Variants in ASPM observed in about 807,000 individuals in gnomAD.
ASPM encodes the protein abnormal spindle-like microcephaly-associated protein.
A neutral mutation model predicts 366.4 loss-of-function variants in ASPM; 256 were observed. That is an observed-to-expected ratio of 0.70 (90% CI 0.63 to 0.77). ASPM has a LOEUF of 0.77. ASPM is among the 30% of genes least tolerant of loss of function. ASPM has a pLI of 0.00. For missense variants in ASPM, 4,146 were observed against 4,090.4 expected (o/e 1.01, Z -0.37); for synonymous variants, 1,414 against 1,342.9 (o/e 1.05, Z -1.16).
Position 197,124,862 on chromosome 1 carries a change from TATAATACCTG to T in ASPM, c.3166_3168+7del. The T allele has an allele frequency of 6.3e-7, 1 of 1,582,044 alleles. No individual in the cohort carries two copies. Among genetic ancestry groups the T allele is most frequent in the Non-Finnish European group, 8.7e-7 (1 of 1,152,122 alleles). On this transcript the variant is annotated splice_donor_variant and splice_donor_5th_base_variant and coding_sequence_variant and intron_variant, in exon 12 of 28. Transcript: ENST00000367409. LOFTEE classifies it high-confidence loss of function. ...TAAAAAATACAAGATGTACCAAATG[TATAATACCTG>T]AAAAGCAAACGCTATTTTCCAAAGC...
At position 197,094,089 on chromosome 1, in the gene ASPM, T is replaced by C; in HGVS notation, c.9079A>G (p.Ile3027Val). The change falls in exon 20 of 28, where the codon ATA becomes GTA. Residue 3027 changes from isoleucine (I) to valine (V), a missense_variant. By Grantham distance (29) the Ile-to-Val change is conservative. Around this residue, in one of 3 missense-constraint regions of ASPM, gnomAD observed 3,624 missense variants for 3,591.7 expected, o/e 1.01. Transcript: ENST00000367409. ...AKIAHEHFLM[I>V]KRHRAACLIQ... ...AATTAATTTTTAATACCTACTTTTA[T>C]CATTAAGAAGTGTTCATGAGCTATC... 1 of 1,562,568 alleles carries C rather than the reference T, an allele frequency of 6.4e-7. No individual in the cohort carries two copies. Among genetic ancestry groups the C allele is most frequent in the Non-Finnish European group, 8.8e-7 (1 of 1,141,814 alleles).
rs937207468 is a variant in ASPM at position 197,102,870 on chromosome 1, A to C, written c.6381T>G (p.Phe2127Leu). Residue 2127 changes from phenylalanine to leucine, a missense_variant, in exon 18 of 28, where the codon TTT becomes TTG. This residue lies in a region of ASPM where 3,624 missense variants were observed against 3,591.7 expected (regional missense o/e 1.01). Transcript: ENST00000367409. ...AACTTATTCTTGACTGATGCATTTT[A>C]AACATGGCTTTAATAAAAGTGGCTG... is the stretch of plus-strand genomic sequence containing the variant. Reference protein sequence around the residue: ...HRAATFIKAMFKMHQSRISYH... With the variant: ...HRAATFIKAMLKMHQSRISYH... The C allele has an allele frequency of 6.2e-7, 1 of 1,612,540 alleles. No individual in the cohort carries two copies. Among genetic ancestry groups the C allele is most frequent in the Non-Finnish European group, 8.5e-7 (1 of 1,179,286 alleles).
Position 197,103,597 on chromosome 1 carries a change from T to C in ASPM, c.5654A>G (p.Tyr1885Cys), listed in dbSNP as rs745796471. 2.5e-6 allele frequency: 4 copies of C among 1,612,866 alleles called. No homozygotes were observed. In the East Asian group the frequency reaches 8.9e-5, roughly 36 times the overall value. Residue 1885 changes from tyrosine (Y) to cysteine (C), a missense_variant, in exon 18 of 28, where the codon TAT becomes TGT. Transcript: ENST00000367409. ...CTGTTTCCGAACCTTCCAGCCACGATAAGCAGACTGGAGGGAAATCACAGC... is the reference window on the plus strand; with the variant it reads ...CTGTTTCCGAACCTTCCAGCCACGACAAGCAGACTGGAGGGAAATCACAGC... ...KAAVISLQSA[Y>C]RGWKVRKQIR...
intron 18 of ASPM, 115 bp downstream of exon 18, chr1:197,100,316 C>A: frequency 1.4e-6 from 1 of 732,672 alleles, no homozygotes; most frequent in South Asian, 2.2e-5. Context: ...GATAAATGGT[C>A]ACCTCAACTA....
At chr1:197,112,848 C>T (rs531047174) in intron 17 of ASPM, among the ~76,000 whole-genome samples, 2 of 152,260 alleles carry the variant, frequency 1.3e-5, no homozygotes, top group Admixed American at 1.3e-4. Flanking sequence ...CATGTCAAGA[C>T]TTCCTGATGC....
chr1:197,121,464 C>T (rs1386863691), intron 16 of ASPM, among the ~76,000 whole-genome samples: 1 of 152,062 alleles, frequency 6.6e-6, no homozygotes, highest in Non-Finnish European at 1.5e-5. Flanking sequence ...ACAAACTAAG[C>T]TTACTAGTTA....
Position 197,100,647 on chromosome 1 carries a change from A to C in ASPM, c.8604T>G (p.His2868Gln). The C allele has an allele frequency of 6.2e-7, 1 of 1,612,232 alleles. No individual in the cohort carries two copies. Among genetic ancestry groups the C allele is most frequent in the Non-Finnish European group, 8.5e-7 (1 of 1,178,938 alleles). ...TTCTGGTTTGCCACGTCCTAAAATA[A>C]TGCTGTAAAGTGATAGCAGCTCTTT... ...QQKRAAITLQ[H>Q]YFRTWQTRKQ... The change falls in exon 18 of 28, where the codon CAT becomes CAG. Residue 2868 changes from histidine (H) to glutamine (Q), a missense_variant. Physicochemically the swap from His to Gln is conservative, Grantham distance 24. Coordinates refer to ENST00000367409, the MANE Select transcript of ASPM (RefSeq NM_018136.5).
intron 21 of ASPM, 126 bp downstream of exon 21, chr1:197,092,918 GCAGCTGAA>G: frequency 1.3e-6 from 1 of 799,916 alleles, no homozygotes; most frequent in Non-Finnish European, 2.0e-6. Context: ...TACCTTTCTA[GCAGCTGAA>G]TTAATTCAAG....
intron 17 of ASPM, among the ~76,000 whole-genome samples, chr1:197,114,302 A>C (rs564435910): frequency 9.2e-5 from 14 of 152,338 alleles, no homozygotes; most frequent in African/African-American, 3.1e-4. Context: ...TCTTTTTGCT[A>C]GTGGAGGGTC....
At chr1:197,125,245 A>C in intron 10 of ASPM, 54 bp from the exon 11 acceptor site, 1 of 1,585,150 alleles carries the variant, frequency 6.3e-7, no homozygotes, top group South Asian at 1.1e-5. Context: ...ATATGAAAAA[A>C]CCCTTCACTG....
intron 5 of ASPM, among the ~76,000 whole-genome samples, chr1:197,134,443 C>T (rs558310151): frequency 5.3e-5 from 8 of 151,822 alleles, no homozygotes; most frequent in Non-Finnish European, 7.4e-5. Context: ...ATCCTATACA[C>T]GCGCTTCTCT....
At chr1:197,113,257 T>C (rs989923426) in intron 17 of ASPM, among the ~76,000 whole-genome samples, 1 of 152,150 alleles carries the variant, frequency 6.6e-6, no homozygotes, top group Non-Finnish European at 1.5e-5. Context: ...GATTATCAGG[T>C]ACTATGCTCA....
Position 197,122,248 on chromosome 1 carries a change from G to C in ASPM, c.3652C>G (p.His1218Asp). 3 of 1,613,226 alleles carry C rather than the reference G, an allele frequency of 1.9e-6. No individual in the cohort carries two copies. The highest frequency in any genetic ancestry group is 2.5e-6 in the Non-Finnish European group (3 of 1,179,378). Residue 1218 changes from histidine to aspartate, a missense_variant, in exon 15 of 28, where the codon CAC (histidine) becomes GAC (aspartate). His to Asp is a moderately conservative substitution (Grantham distance 81). Around this residue, in one of 3 missense-constraint regions of ASPM, gnomAD observed 3,624 missense variants for 3,591.7 expected, o/e 1.01. Coordinates refer to ENST00000367409, the MANE Select transcript of ASPM (RefSeq NM_018136.5). ...TCTCTAACTGCAGACCTAACCAAGT[G>C]AAAATTTTTCTTTTCATTTTCTAGG... ...ELLENEKKNF[H>D]LVRSAVRDLG...
At position 197,143,765 on chromosome 1, in the gene ASPM, T is replaced by C. The variant is rs1284048360; in HGVS notation, c.487A>G (p.Thr163Ala). The C allele has an allele frequency of 3.1e-6, 5 of 1,612,286 alleles. No homozygotes were observed. Among genetic ancestry groups the C allele is most frequent in the African/African-American group, 1.3e-5 (1 of 74,832 alleles). ...TTTGAAACCCTTCTGTTGTGACTTG[T>C]AGAGGCTGAAATTTTCTTCTTTTTA... is the stretch of plus-strand genomic sequence containing the variant. ...TIKKKKISAS[T>A]SHNRRVSNIQ... is the part of the protein sequence containing the mutation. The change falls in exon 3 of 28, where the codon ACA becomes GCA. Residue 163 changes from threonine to alanine, a missense_variant. Coordinates refer to ENST00000367409, the MANE Select transcript of ASPM (RefSeq NM_018136.5).
At chr1:197,116,539 A>G (rs1365811853) in intron 17 of ASPM, among the ~76,000 whole-genome samples, 3 of 152,182 alleles carry the variant, frequency 2.0e-5, no homozygotes, top group Non-Finnish European at 4.4e-5. Flanking sequence ...GCTGCAAAGC[A>G]CAATAATGCA....
rs1218927105 is a variant in ASPM at position 197,143,699 on chromosome 1, C to G, written c.553G>C (p.Val185Leu). 1.2e-6 allele frequency: 2 copies of G among 1,613,868 alleles called. No individual in the cohort carries two copies. Among genetic ancestry groups the G allele is most frequent in the South Asian group, 2.2e-5 (2 of 91,074 alleles). Residue 185 changes from valine (V) to leucine (L), a missense_variant, in exon 3 of 28, where the codon GTT becomes CTT. By Grantham distance (32) the Val-to-Leu change is conservative. Coordinates refer to ENST00000367409, the MANE Select transcript of ASPM (RefSeq NM_018136.5). Reference sequence around the variant, plus strand: ...TGTAGTGGGCTCCTAACTCTGTCAACTTTTTGGGAAACACTAAATGTTTTA... The same window carrying G: ...TGTAGTGGGCTCCTAACTCTGTCAAGTTTTTGGGAAACACTAAATGTTTTA... ...VNKTFSVSQK[V>L]DRVRSPLQAC...
chr1:197,136,728 G>A (rs1173289581), intron 4 of ASPM, among the ~76,000 whole-genome samples: 2 of 151,912 alleles, frequency 1.3e-5, no homozygotes, highest in African/African-American at 2.4e-5. Flanking sequence ...AAAATGACTG[G>A]CAAAAATCAG....
In ASPM at chr1:197,090,866, C is replaced by T. The variant is rs1246840322; in HGVS notation, c.9620G>A (p.Gly3207Glu). 1 of 1,612,802 alleles carries T rather than the reference C, an allele frequency of 6.2e-7. No individual in the cohort carries two copies. Among genetic ancestry groups the T allele is most frequent in the Admixed American group, 1.7e-5 (1 of 59,948 alleles). The stretch of plus-strand genomic sequence containing the variant: ...TTCAATTACCTGAATTTTAATGATT[C>T]CACTAGTGAATTTTTCCTGCTTTTT... ...LRKKQEKFTSGIIKIQALWRG... is the reference protein window; with the variant it reads ...LRKKQEKFTSEIIKIQALWRG... Residue 3207 changes from glycine to glutamate, a missense_variant, in exon 23 of 28, where the codon GGA becomes GAA. Transcript: ENST00000367409.
At position 197,143,823 on chromosome 1, in the gene ASPM, G is replaced by C. The variant is rs768240671; in HGVS notation, c.442-13C>G. The C allele has an allele frequency of 6.2e-7, 1 of 1,608,888 alleles. No homozygotes were observed. Among genetic ancestry groups the C allele is most frequent in the African/African-American group, 1.3e-5 (1 of 74,820 alleles). ...CCCAAAGACTCCTCTGCAAAAATAA[G>C]GAAAATATACCAATTAAGTTTGTAG... On this transcript the variant is annotated splice_polypyrimidine_tract_variant and intron_variant, in intron 2 of 27. Transcript: ENST00000367409.
Sources: gnomAD v4.1 joint callset for allele counts (sites outside exome capture counted in the v4.1 genomes callset) on GRCh38, gnomAD v4.1.1 for gene constraint, gnomAD v4.1.1 regional missense constraint, MANE v1.5 for transcripts, NCBI Gene and HGNC (gene_info 2026-07-23, HGNC 2026-07-21) for gene names.